RTL10: variants seen among roughly 807,000 people sequenced by gnomAD.
RTL10 encodes the protein protein Bop.
For missense variants in RTL10, 477 were observed against 470.7 expected, an observed-to-expected ratio of 1.01 and a Z score of -0.12; for synonymous variants, 199 against 188.4, an observed-to-expected ratio of 1.06 and a Z score of -0.46.
Position 19,847,724 on chromosome 22 carries a change from C to CCAACAGTATGAGAA in RTL10, c.*3429_*3442dup. Reference sequence around the variant, plus strand: ...CAAATTATATTATTGTGTATTCCCACCAACAGTATGAGAAGGTCCACTTCT... The same window carrying CCAACAGTATGAGAA: ...CAAATTATATTATTGTGTATTCCCACCAACAGTATGAGAACAACAGTATGAGAAGGTCCACTTCT... On this transcript the variant is annotated 3_prime_UTR_variant, in exon 3 of 3. Transcript: ENST00000328554. 4.1e-6 allele frequency: 4 copies of CCAACAGTATGAGAA among 981,292 alleles called. No homozygotes were observed. The highest frequency in any genetic ancestry group is 4.8e-6 in the Non-Finnish European group (4 of 829,384). 60.8% of individuals were successfully genotyped at this position (981,292 alleles called of 1,614,324 possible). A position where few individuals can be genotyped will look rare whatever the true frequency, so the allele number is the denominator to read the frequency against.
In RTL10 at chr22:19,848,433, T is replaced by A; in HGVS notation, c.*2734A>T. The A allele has an allele frequency of 2.0e-6, 2 of 985,466 alleles. No individual in the cohort carries two copies. The highest frequency in any genetic ancestry group is 2.4e-6 in the Non-Finnish European group (2 of 829,962). 61.0% of individuals were successfully genotyped at this position (985,466 alleles called of 1,614,324 possible). ...CAGCAGGAAAGCAGCTTGGTCATCATCTGTCTGAAAGCAGGTGCTGCAGCA... is the reference window on the plus strand; with the variant it reads ...CAGCAGGAAAGCAGCTTGGTCATCAACTGTCTGAAAGCAGGTGCTGCAGCA... On this transcript the variant is annotated 3_prime_UTR_variant, in exon 3 of 3. Coordinates refer to ENST00000328554, the MANE Select transcript of RTL10 (RefSeq NM_024627.6).
chr22:19,848,694 A>G lies in RTL10; in HGVS notation c.*2473T>C, dbSNP rs1041898135. 4 of 985,344 alleles carry G rather than the reference A, an allele frequency of 4.1e-6. No homozygotes were observed. Among genetic ancestry groups the G allele is most frequent in the South Asian group, 9.4e-5 (2 of 21,286 alleles). The allele number at this position is 985,344 out of a possible 1,614,324, so 61.0% of individuals were successfully genotyped here. A position where few individuals can be genotyped will look rare whatever the true frequency, so the allele number is the denominator to read the frequency against. On this transcript the variant is annotated 3_prime_UTR_variant, in exon 3 of 3. Coordinates refer to ENST00000328554, the MANE Select transcript of RTL10 (RefSeq NM_024627.6). The stretch of plus-strand genomic sequence containing the variant: ...TCAAGCCTGCCTAGGTGGATGCTGC[A>G]TGACTGGCCCTCAGACACACGGCAG...
chr22:19,852,276 G>C lies in RTL10; in HGVS notation c.-15C>G, dbSNP rs1235663681. 1.9e-6 allele frequency: 3 copies of C among 1,584,342 alleles called. No individual in the cohort carries two copies. Among genetic ancestry groups the C allele is most frequent in the Middle Eastern group, 1.7e-4 (1 of 5,926 alleles). On this transcript the variant is annotated 5_prime_UTR_variant, in exon 3 of 3. Coordinates refer to ENST00000328554, the MANE Select transcript of RTL10 (RefSeq NM_024627.6). ...CCACGAGGCATGCTGGGAGCACAGGGGAGAAGAGAGGAGAGCCAGCACTGG... is the reference window on the plus strand; with the variant it reads ...CCACGAGGCATGCTGGGAGCACAGGCGAGAAGAGAGGAGAGCCAGCACTGG...
rs1190212250 is a variant in RTL10, at chr22:19,847,270, G to A, written c.*3897C>T. On this transcript the variant is annotated 3_prime_UTR_variant, in exon 3 of 3. Coordinates refer to ENST00000328554, the MANE Select transcript of RTL10 (RefSeq NM_024627.6). ...GAAATAAGCAGTGCCAACTGTAGCC[G>A]CTGCGCTGTTGGAGATCTTTGTTAC... 17 of 984,216 alleles carry A rather than the reference G, an allele frequency of 1.7e-5. No homozygotes were observed. Among genetic ancestry groups the A allele is most frequent in the South Asian group, 4.7e-5 (1 of 21,274 alleles). The allele number at this position is 984,216 out of a possible 1,614,324, so 61.0% of individuals were successfully genotyped here. A position where few individuals can be genotyped will look rare whatever the true frequency, so the allele number is the denominator to read the frequency against.
chr22:19,850,242 A>G lies in RTL10; in HGVS notation c.*925T>C. The G allele has an allele frequency of 1.0e-6, 1 of 985,540 alleles. No individual in the cohort carries two copies. Among genetic ancestry groups the G allele is most frequent in the South Asian group, 4.7e-5 (1 of 21,288 alleles). 61.0% of individuals were successfully genotyped at this position (985,540 alleles called of 1,614,324 possible). A position where few individuals can be genotyped will look rare whatever the true frequency, so the allele number is the denominator to read the frequency against. ...AGCCACTGCACCACCTCAGCCAGTA[A>G]TCCAACACGTGTTTAATGAGCACCA... On this transcript the variant is annotated 3_prime_UTR_variant, in exon 3 of 3. Coordinates refer to ENST00000328554, the MANE Select transcript of RTL10 (RefSeq NM_024627.6).
chr22:19,846,558 C>T lies in RTL10; in HGVS notation c.*4609G>A, dbSNP rs1244130295. The T allele has an allele frequency of 1.0e-6, 1 of 985,398 alleles. No individual in the cohort carries two copies. The highest frequency in any genetic ancestry group is 1.7e-5 in the African/African-American group (1 of 57,254). The allele number at this position is 985,398 out of a possible 1,614,324, so 61.0% of individuals were successfully genotyped here. On this transcript the variant is annotated 3_prime_UTR_variant, in exon 3 of 3. Transcript: ENST00000328554. ...ACAGCAAAGACAAAACCAGAGAAGC[C>T]TATCGCGGGCACCGCTGTGGGCAGA...
rs1277386553 is a variant in RTL10, at chr22:19,852,456, C to CT, written c.-196dup. 26 of 611,652 alleles carry CT rather than the reference C, an allele frequency of 4.3e-5. No individual in the cohort carries two copies. Among genetic ancestry groups the CT allele is most frequent in the East Asian group, 4.2e-4 (15 of 35,422 alleles). The allele number at this position is 611,652 out of a possible 1,614,324, so 37.9% of individuals were successfully genotyped here. A position where few individuals can be genotyped will look rare whatever the true frequency, so the allele number is the denominator to read the frequency against. On this transcript the variant is annotated 5_prime_UTR_variant, in exon 3 of 3. Transcript: ENST00000328554. ...AGGAGAGCTGAGAAGAGCTGAGAGACTGTCAGTCGCAGGCCATCATCCGAG... is the reference window on the plus strand; with the variant it reads ...AGGAGAGCTGAGAAGAGCTGAGAGACTTGTCAGTCGCAGGCCATCATCCGAG...
rs759765605 is a variant in RTL10 at position 19,851,764 on chromosome 22, G to A, written c.498C>T (p.Asp166=). 3.7e-5 allele frequency: 59 copies of A among 1,610,926 alleles called. No homozygotes were observed. Among genetic ancestry groups the A allele is most frequent in the East Asian group, 6.7e-5 (3 of 44,758 alleles). The change falls in exon 3 of 3, where the codon GAC becomes GAT. Residue 166 remains aspartate (D), a synonymous_variant. Transcript: ENST00000328554. ...GATCCTGGCAGAAGAGCTCGTAATC[G>A]TCAGGCAGGGGCAGGTCCCCATCAA... is the stretch of plus-strand genomic sequence containing the variant. ...PYLDGDLPLP[D]DYELFCQDLK... is the part of the protein sequence containing the mutation.
rs1401869107 is a variant in RTL10 at position 19,848,852 on chromosome 22, G to A, written c.*2315C>T. 1 of 985,348 alleles carries A rather than the reference G, an allele frequency of 1.0e-6. No homozygotes were observed. Among genetic ancestry groups the A allele is most frequent in the Admixed American group, 6.1e-5 (1 of 16,272 alleles). The allele number at this position is 985,348 out of a possible 1,614,324, so 61.0% of individuals were successfully genotyped here. A position where few individuals can be genotyped will look rare whatever the true frequency, so the allele number is the denominator to read the frequency against. ...GTATCCACTTCAGGTCCACTAAAGG[G>A]AGATGGGGAAGGTGGCCTGTCCAGA... On this transcript the variant is annotated 3_prime_UTR_variant, in exon 3 of 3. Coordinates refer to ENST00000328554, the MANE Select transcript of RTL10 (RefSeq NM_024627.6).
chr22:19,850,304 C>A lies in RTL10; in HGVS notation c.*863G>T, dbSNP rs1011534910. 3 of 980,176 alleles carry A rather than the reference C, an allele frequency of 3.1e-6. No individual in the cohort carries two copies. The South Asian group carries it at 1.4e-4, about 46-fold the overall frequency. 60.7% of individuals were successfully genotyped at this position (980,176 alleles called of 1,614,324 possible). On this transcript the variant is annotated 3_prime_UTR_variant, in exon 3 of 3. Coordinates refer to ENST00000328554, the MANE Select transcript of RTL10 (RefSeq NM_024627.6). The stretch of plus-strand genomic sequence containing the variant: ...GGCCACAGAGCTGACTAAGACAGAG[C>A]CCCTGTGCTGAGGGTCACAGTCTGC...
chr22:19,851,106 C>T lies in RTL10; in HGVS notation c.*61G>A, dbSNP rs914449355. The T allele has an allele frequency of 4.1e-5, 62 of 1,503,840 alleles. No individual in the cohort carries two copies. In the South Asian group the frequency reaches 4.2e-4, roughly 10 times the overall value. The allele number at this position is 1,503,840 out of a possible 1,614,324, so 93.2% of individuals were successfully genotyped here. ...TCTGCTCTGACTGGGGACTATGGGG[C>T]GCTCAAGCCACACAGGCCACTTCAT... On this transcript the variant is annotated 3_prime_UTR_variant, in exon 3 of 3. Coordinates refer to ENST00000328554, the MANE Select transcript of RTL10 (RefSeq NM_024627.6).
rs34331843 is a variant in RTL10, at chr22:19,847,804, CAAAAAAA to C, written c.*3356_*3362del. 1.6e-4 allele frequency: 96 copies of C among 612,316 alleles called. No individual in the cohort carries two copies. The highest frequency in any genetic ancestry group is 1.8e-3 in the Middle Eastern group (2 of 1,084). The allele number at this position is 612,316 out of a possible 1,614,324, so 37.9% of individuals were successfully genotyped here. A position where few individuals can be genotyped will look rare whatever the true frequency, so the allele number is the denominator to read the frequency against. On this transcript the variant is annotated 3_prime_UTR_variant, in exon 3 of 3. Transcript: ENST00000328554. The stretch of plus-strand genomic sequence containing the variant: ...ACTTTTAAAATCCTGGAATCATAGG[CAAAAAAA>C]AAAAAAAAAAAAAATTCACCCATAT...
Position 19,849,172 on chromosome 22 carries a change from G to C in RTL10, c.*1995C>G. 1 of 985,370 alleles carries C rather than the reference G, an allele frequency of 1.0e-6. No individual in the cohort carries two copies. Among genetic ancestry groups the C allele is most frequent in the Non-Finnish European group, 1.2e-6 (1 of 829,922 alleles). The allele number at this position is 985,370 out of a possible 1,614,324, so 61.0% of individuals were successfully genotyped here. A position where few individuals can be genotyped will look rare whatever the true frequency, so the allele number is the denominator to read the frequency against. On this transcript the variant is annotated 3_prime_UTR_variant, in exon 3 of 3. Transcript: ENST00000328554. ...TTTCTTCTGCCAGCTCACTTGCTTTGCTACCAGGGCTATACCTGCTTTCTA... is the reference window on the plus strand; with the variant it reads ...TTTCTTCTGCCAGCTCACTTGCTTTCCTACCAGGGCTATACCTGCTTTCTA...
In RTL10 at chr22:19,851,007, T is replaced by C; in HGVS notation, c.*160A>G. Reference sequence around the variant, plus strand: ...GCTCTGCTGGAGTTGGGGGAGCTGGTTCTGCTCAGCGCAGAGTCCAAAACA... The same window carrying C: ...GCTCTGCTGGAGTTGGGGGAGCTGGCTCTGCTCAGCGCAGAGTCCAAAACA... On this transcript the variant is annotated 3_prime_UTR_variant, in exon 3 of 3. Coordinates refer to ENST00000328554, the MANE Select transcript of RTL10 (RefSeq NM_024627.6). 7.0e-7 allele frequency: 1 copy of C among 1,419,268 alleles called. No individual in the cohort carries two copies. Among genetic ancestry groups the C allele is most frequent in the Non-Finnish European group, 9.2e-7 (1 of 1,089,878 alleles). The allele number at this position is 1,419,268 out of a possible 1,614,324, so 87.9% of individuals were successfully genotyped here.
In RTL10 at chr22:19,848,231, A is replaced by G; in HGVS notation, c.*2936T>C. The G allele has an allele frequency of 1.0e-6, 1 of 985,378 alleles. No homozygotes were observed. Among genetic ancestry groups the G allele is most frequent in the Non-Finnish European group, 1.2e-6 (1 of 829,872 alleles). 61.0% of individuals were successfully genotyped at this position (985,378 alleles called of 1,614,324 possible). The stretch of plus-strand genomic sequence containing the variant: ...GGAAATAAAATCTCTGGGTATTTCC[A>G]AGGGAAGTGAAGGACTGACACCATG... On this transcript the variant is annotated 3_prime_UTR_variant, in exon 3 of 3. Transcript: ENST00000328554.
Position 19,846,859 on chromosome 22 carries a change from G to T in RTL10, c.*4308C>A. On this transcript the variant is annotated 3_prime_UTR_variant, in exon 3 of 3. Transcript: ENST00000328554. ...TCTAGCTCCAGAATCATGAGGAAAT[G>T]TCTGTTGTTTAAGTCCCCTAGCCTG... The T allele has an allele frequency of 1.1e-6, 1 of 904,286 alleles. No individual in the cohort carries two copies. The highest frequency in any genetic ancestry group is 1.3e-6 in the Non-Finnish European group (1 of 755,884). 56.0% of individuals were successfully genotyped at this position (904,286 alleles called of 1,614,324 possible).
In RTL10 at chr22:19,851,554, G is replaced by A. The variant is rs543070038; in HGVS notation, c.708C>T (p.Ala236=). ...CAGACACAGCAGGGGTGGCCATGGC[G>A]GCTGGTAAAGACCTGGGGGCAGTAC... ...DMGTAPRSLP[A]AMATPAVSGS... Residue 236 remains alanine (A), a synonymous_variant, in exon 3 of 3, where the codon GCC becomes GCT. Coordinates refer to ENST00000328554, the MANE Select transcript of RTL10 (RefSeq NM_024627.6). 48 of 1,613,040 alleles carry A rather than the reference G, an allele frequency of 3.0e-5. No homozygotes were observed. The highest frequency in any genetic ancestry group is 8.0e-5 in the African/African-American group (6 of 74,998).
chr22:19,848,658 C>T lies in RTL10; in HGVS notation c.*2509G>A, dbSNP rs1938022599. 6 of 985,424 alleles carry T rather than the reference C, an allele frequency of 6.1e-6. No individual in the cohort carries two copies. Among genetic ancestry groups the T allele is most frequent in the Admixed American group, 6.1e-5 (1 of 16,266 alleles). 61.0% of individuals were successfully genotyped at this position (985,424 alleles called of 1,614,324 possible). A position where few individuals can be genotyped will look rare whatever the true frequency, so the allele number is the denominator to read the frequency against. ...TTAAAAACCAGGTCACCTGGACTCTCCCAAGGACTCTCAAGCCTGCCTAGG... is the reference window on the plus strand; with the variant it reads ...TTAAAAACCAGGTCACCTGGACTCTTCCAAGGACTCTCAAGCCTGCCTAGG... On this transcript the variant is annotated 3_prime_UTR_variant, in exon 3 of 3. Transcript: ENST00000328554.
rs898191894 is a variant in RTL10 at position 19,849,015 on chromosome 22, C to T, written c.*2152G>A. ...GTAGGCATCAGGGAGCAGTCTGACC[C>T]AACCCACAAAAGGGGGGATGGGGCC... On this transcript the variant is annotated 3_prime_UTR_variant, in exon 3 of 3. Transcript: ENST00000328554. The T allele has an allele frequency of 3.0e-6, 3 of 985,368 alleles. No individual in the cohort carries two copies. In the African/African-American group the frequency reaches 5.2e-5, roughly 17 times the overall value. 61.0% of individuals were successfully genotyped at this position (985,368 alleles called of 1,614,324 possible).
Sources: allele counts gnomAD v4.1 joint callset, GRCh38; gene constraint gnomAD v4.1.1; transcripts MANE v1.5; gene names NCBI Gene and HGNC (gene_info 2026-07-23, HGNC 2026-07-21).